TENM2: variants seen among roughly 807,000 people sequenced by gnomAD.
TENM2 encodes the protein teneurin transmembrane protein 2.
Under a neutral mutation model 245.2 loss-of-function variants are expected in TENM2, and 52 were observed. The ratio of observed to expected loss-of-function variants is 0.21; its 90% CI spans 0.17 to 0.27. The LOEUF (loss-of-function observed/expected upper bound fraction) is 0.27, where lower values mean the gene tolerates loss of function less well. TENM2 is among the 10% of genes least tolerant of loss of function. The pLI is 1.00. For missense variants in TENM2, 3,046 were observed against 3,666.8 expected (o/e 0.83, Z 4.37); for synonymous variants, 1,363 against 1,438.9 (o/e 0.95, Z 1.19).
the TENM2 span, among the ~76,000 whole-genome samples, chr5:167,071,215 CAATTTTATTTAGTAATAA>C: frequency 1.3e-5 from 2 of 152,158 alleles, no homozygotes; most frequent in East Asian, 3.9e-4. Context: ...AATATTCTTG[CAATTTTATTTAGTAATAA>C]AATTGTTAAA....
At chr5:167,611,491 T>C (rs779478826) in intron 2 of TENM2, among the ~76,000 whole-genome samples, 2 of 151,996 alleles carry the variant, frequency 1.3e-5, no homozygotes, top group Non-Finnish European at 2.9e-5. Flanking sequence ...TGGACACACC[T>C]ACTTGAGCAA....
chr5:167,335,309 A>G (rs1757693254), intron 1 of TENM2, among the ~76,000 whole-genome samples: 1 of 152,164 alleles, frequency 6.6e-6, no homozygotes, highest in African/African-American at 2.4e-5. Context: ...TACCAAGAGG[A>G]TGGCACTAAA....
intron 4 of TENM2, among the ~76,000 whole-genome samples, chr5:167,960,759 C>T (rs1041399697): frequency 2.0e-5 from 3 of 152,196 alleles, no homozygotes; most frequent in African/African-American, 7.2e-5. Flanking sequence ...AAAAAAACTC[C>T]TGCAGCTAAC....
chr5:167,094,635 A>C, the TENM2 span, among the ~76,000 whole-genome samples: 20 of 152,138 alleles, frequency 1.3e-4, no homozygotes, highest in Admixed American at 1.3e-3. Flanking sequence ...TAAATTGATC[A>C]TGTTGAAATG....
chr5:167,541,838 G>C, intron 2 of TENM2, among the ~76,000 whole-genome samples: 1 of 152,136 alleles, frequency 6.6e-6, no homozygotes. Context: ...GCAATAATTT[G>C]AGAAATAAAA....
At chr5:167,663,144 GAGA>G (rs1755332293) in intron 2 of TENM2, among the ~76,000 whole-genome samples, 5 of 41,506 alleles carry the variant, frequency 1.2e-4, no homozygotes, top group East Asian at 2.9e-3. Flanking sequence ...GGGATGGGGA[GAGA>G]GAGAGAGAGA....
chr5:167,773,925 G>T (rs1380770085), intron 2 of TENM2, among the ~76,000 whole-genome samples: 1 of 152,030 alleles, frequency 6.6e-6, no homozygotes, highest in East Asian at 1.9e-4. Context: ...TTAAGTGAGC[G>T]TTCCAAATTT....
chr5:167,353,997 A>G (rs1009955540), intron 1 of TENM2, among the ~76,000 whole-genome samples: 8 of 152,246 alleles, frequency 5.3e-5, no homozygotes, highest in Non-Finnish European at 1.0e-4. Flanking sequence ...TGAAGAAGAA[A>G]GAAACATAGA....
chr5:168,244,771 G>A lies in TENM2; in HGVS notation c.5817+55G>A, dbSNP rs111457031. ...GGCTTTCTGTTATTTCTGTTATTCC[G>A]GCTTCTTTTTTTTTTTGAGACAGAG... On this transcript the variant is annotated intron_variant, in intron 26 of 28. Coordinates refer to ENST00000518659, the Ensembl canonical transcript of TENM2. This position sits in a 1 kb window ranked among gnomAD's most constrained non-coding sequence, Gnocchi z 4.9. 286 of 1,356,068 alleles carry A rather than the reference G, an allele frequency of 2.1e-4. No homozygotes were observed. The African/African-American group carries it at 2.7e-3, about 13-fold the overall frequency. 84.0% of individuals were successfully genotyped at this position (1,356,068 alleles called of 1,614,324 possible). A position where few individuals can be genotyped will look rare whatever the true frequency, so the allele number is the denominator to read the frequency against.
chr5:167,938,244 C>CA lies in TENM2; in HGVS notation c.713-14338dup, dbSNP rs201027580. Among the ~76,000 whole-genome samples, 22 of 152,164 alleles carry CA rather than the reference C, an allele frequency of 1.4e-4. No homozygotes were observed. The East Asian group carries it at 3.7e-3, about 25-fold the overall frequency. Reference sequence around the variant, plus strand: ...ATGCATCCTTTAAATGGTGTGCAAGCAAAAAACCTGCACATTGAGATGTGC... The same window carrying CA: ...ATGCATCCTTTAAATGGTGTGCAAGCAAAAAAACCTGCACATTGAGATGTGC... On this transcript the variant is annotated intron_variant, in intron 3 of 28. Transcript: ENST00000518659.
chr5:167,125,512 T>G, the TENM2 span, among the ~76,000 whole-genome samples: 2 of 152,242 alleles, frequency 1.3e-5, no homozygotes, highest in Non-Finnish European at 2.9e-5. Context: ...TAGACCCTTA[T>G]AGAGCCTATT....
chr5:168,124,996 G>A (rs573445590), exon 11 of TENM2: 3 of 1,611,136 alleles, frequency 1.9e-6, no homozygotes, highest in Non-Finnish European at 2.5e-6. Context: ...GTACCTGCCT[G>A]ACACGGGCCT....
chr5:168,191,472 G>A (rs537914701), intron 14 of TENM2, among the ~76,000 whole-genome samples: 29 of 152,116 alleles, frequency 1.9e-4, no homozygotes, highest in African/African-American at 6.5e-4. Flanking sequence ...AAGGAGGAGC[G>A]TGGTCTAATT....
At chr5:167,744,147 A>G (rs1761396117) in intron 2 of TENM2, among the ~76,000 whole-genome samples, 1 of 152,192 alleles carries the variant, frequency 6.6e-6, no homozygotes, top group Non-Finnish European at 1.5e-5. Flanking sequence ...CAACAAATTC[A>G]TGGTGATTAT....
chr5:167,636,366 G>A (rs1246834772), intron 2 of TENM2, among the ~76,000 whole-genome samples: 3 of 152,192 alleles, frequency 2.0e-5, no homozygotes, highest in Non-Finnish European at 2.9e-5. Flanking sequence ...ATAAATTGGT[G>A]AGTGGCTATC....
intron 5 of TENM2, among the ~76,000 whole-genome samples, chr5:168,008,636 C>T (rs1050062647): frequency 2.0e-5 from 3 of 151,988 alleles, no homozygotes; most frequent in Non-Finnish European, 4.4e-5. Flanking sequence ...GAGTTAACTG[C>T]GAGAGATTTC....
At chr5:167,603,356 G>A (rs1335353241) in intron 2 of TENM2, among the ~76,000 whole-genome samples, 1 of 152,118 alleles carries the variant, frequency 6.6e-6, no homozygotes, top group Non-Finnish European at 1.5e-5. Flanking sequence ...GTTAAAAATA[G>A]TGTCCAGGTT....
chr5:166,982,608 T>C, the TENM2 span, among the ~76,000 whole-genome samples: 2 of 152,094 alleles, frequency 1.3e-5, no homozygotes, highest in Non-Finnish European at 2.9e-5. Flanking sequence ...GGGGGCAACA[T>C]GAAAAGCCTA....
chr5:167,900,097 T>C (rs1349684498), intron 3 of TENM2, among the ~76,000 whole-genome samples: 1 of 102,856 alleles, frequency 9.7e-6, no homozygotes, highest in Admixed American at 1.4e-4. Context: ...TTTCTGTCTG[T>C]GCCCTCAACC....
Sources: gnomAD v4.1 joint callset for allele counts (sites outside exome capture counted in the v4.1 genomes callset) on GRCh38, gnomAD v4.1.1 for gene constraint, Gnocchi (gnomAD v3.1) non-coding constraint, MANE v1.5 for transcripts, NCBI Gene and HGNC (gene_info 2026-07-23, HGNC 2026-07-21) for gene names.